CDYL2: variants seen among roughly 807,000 people sequenced by gnomAD.
CDYL2 encodes chromodomain Y like 2.
CDYL2 carries 23 observed loss-of-function variants against 49.4 expected under a neutral mutation model. The observed-to-expected ratio is 0.47, with a 90% CI of 0.34 to 0.66. The LOEUF (loss-of-function observed/expected upper bound fraction) is 0.66. CDYL2 is among the 30% of genes least tolerant of loss of function. CDYL2 has a pLI of 0.01. For missense variants in CDYL2, 678 were observed against 656.4 expected (o/e 1.03, Z -0.36); for synonymous variants, 360 against 268.8 (o/e 1.34, Z -3.32).
At chr16:80,710,621 T>A (rs3100173) in intron 1 of CDYL2, among the ~76,000 whole-genome samples, 34,499 of 152,066 alleles carry the variant, frequency 0.23, 6,837 homozygotes, top group African/African-American at 0.53. Context: ...TGTAAACAGG[T>A]TAACTGTATG....
At chr16:80,698,365 A>C (rs1403321961) in intron 1 of CDYL2, among the ~76,000 whole-genome samples, 1 of 152,226 alleles carries the variant, frequency 6.6e-6, no homozygotes, top group East Asian at 1.9e-4. Context: ...GCATTTGACA[A>C]GGGATTAATA....
Position 80,601,799 on chromosome 16 carries a change from T to C in CDYL2, c.*2589A>G, listed in dbSNP as rs945156254. On this transcript the variant is annotated 3_prime_UTR_variant, in exon 7 of 7. Transcript: ENST00000570137. Reference sequence around the variant, plus strand: ...AAAATACAGACTTTCACCACCCCCGTTACACCCAGGACCTGTGACTTAACA... The same window carrying C: ...AAAATACAGACTTTCACCACCCCCGCTACACCCAGGACCTGTGACTTAACA... 17 of 152,184 alleles carry C rather than the reference T, an allele frequency of 1.1e-4. No individual in the cohort carries two copies. Among genetic ancestry groups the C allele is most frequent in the African/African-American group, 3.9e-4 (16 of 41,452 alleles). The allele number at this position is 152,184 out of a possible 1,614,324, so 9.4% of individuals were successfully genotyped here.
At chr16:80,632,190 A>G (rs1199114744) in intron 3 of CDYL2, among the ~76,000 whole-genome samples, 7 of 152,240 alleles carry the variant, frequency 4.6e-5, no homozygotes, top group Non-Finnish European at 2.9e-5. Context: ...AGAAAAGGTG[A>G]TAGATAAAAT....
intron 1 of CDYL2, among the ~76,000 whole-genome samples, chr16:80,792,282 G>A (rs1907633967): frequency 6.6e-6 from 1 of 152,074 alleles, no homozygotes; most frequent in African/African-American, 2.4e-5. Flanking sequence ...AGAACCCTGG[G>A]ACAAAACCAT....
intron 1 of CDYL2, among the ~76,000 whole-genome samples, chr16:80,785,632 C>CA (rs1395810031): frequency 5.9e-5 from 9 of 152,080 alleles, no homozygotes; most frequent in African/African-American, 1.7e-4. Context: ...CATATAGAAC[C>CA]AAAAAAGAGC....
chr16:80,710,520 A>C (rs1173653234), intron 1 of CDYL2, among the ~76,000 whole-genome samples: 1 of 152,224 alleles, frequency 6.6e-6, no homozygotes, highest in Non-Finnish European at 1.5e-5. Flanking sequence ...GCATGTGTGC[A>C]AAGCCAGCAA....
chr16:80,688,137 T>C (rs1296648188), intron 1 of CDYL2, among the ~76,000 whole-genome samples: 1 of 152,180 alleles, frequency 6.6e-6, no homozygotes, highest in East Asian at 1.9e-4. Flanking sequence ...TTTTGTTCCC[T>C]CCAAATTACT....
intron 2 of CDYL2, among the ~76,000 whole-genome samples, chr16:80,682,676 C>G: frequency 6.6e-6 from 1 of 152,276 alleles, no homozygotes; most frequent in East Asian, 1.9e-4. Context: ...CAGGGAACCC[C>G]GCCAGAGCCT....
chr16:80,672,933 G>A (rs1189874450), intron 2 of CDYL2, among the ~76,000 whole-genome samples: 3 of 152,200 alleles, frequency 2.0e-5, no homozygotes, highest in Non-Finnish European at 4.4e-5. Context: ...ACAAAACACT[G>A]TCATGCAGTA....
intron 1 of CDYL2, among the ~76,000 whole-genome samples, chr16:80,695,663 C>T (rs966847715): frequency 6.6e-6 from 1 of 152,022 alleles, no homozygotes; most frequent in African/African-American, 2.4e-5. Flanking sequence ...TAAAGGAGGT[C>T]ATTATATAAT....
intron 1 of CDYL2, among the ~76,000 whole-genome samples, chr16:80,734,281 G>C (rs1302420890): frequency 6.6e-6 from 1 of 152,184 alleles, no homozygotes; most frequent in Non-Finnish European, 1.5e-5. Flanking sequence ...TTTCAAGTTA[G>C]AACCATGGTA....
chr16:80,700,937 A>C (rs1408928986), intron 1 of CDYL2, among the ~76,000 whole-genome samples: 1 of 151,960 alleles, frequency 6.6e-6, no homozygotes. Flanking sequence ...AACGCCGTGC[A>C]GCTAAGAAAC....
At chr16:80,795,131 T>C (rs747458781) in intron 1 of CDYL2, among the ~76,000 whole-genome samples, 4 of 152,122 alleles carry the variant, frequency 2.6e-5, no homozygotes, top group Non-Finnish European at 4.4e-5. Context: ...GACAAGGTAA[T>C]GAAAATCAAG....
intron 1 of CDYL2, among the ~76,000 whole-genome samples, chr16:80,798,894 C>T (rs375390269): frequency 1.3e-5 from 2 of 151,984 alleles, no homozygotes; most frequent in African/African-American, 2.4e-5. Flanking sequence ...TCTAGATGTC[C>T]GATAACAGGG....
chr16:80,775,330 T>C (rs13330806), intron 1 of CDYL2, among the ~76,000 whole-genome samples: 10,983 of 151,894 alleles, frequency 0.072, 484 homozygotes, highest in African/African-American at 0.12. Context: ...GAAGTAGGTA[T>C]GATACAAAAC....
chr16:80,633,252 A>G lies in CDYL2; in HGVS notation c.617-16T>C. 1 of 1,606,620 alleles carries G rather than the reference A, an allele frequency of 6.2e-7. No individual in the cohort carries two copies. Among genetic ancestry groups the G allele is most frequent in the Non-Finnish European group, 8.5e-7 (1 of 1,173,998 alleles). On this transcript the variant is annotated splice_polypyrimidine_tract_variant and intron_variant, in intron 2 of 6. Transcript: ENST00000570137. ...AGAGCAGAGCCTTCCAAAACCAGATAAACAATGTAAGAAACTGAAATGGAC... is the reference window on the plus strand; with the variant it reads ...AGAGCAGAGCCTTCCAAAACCAGATGAACAATGTAAGAAACTGAAATGGAC...
chr16:80,669,301 G>A (rs1261023376), intron 2 of CDYL2, among the ~76,000 whole-genome samples: 7 of 152,052 alleles, frequency 4.6e-5, no homozygotes, highest in African/African-American at 7.2e-5. Context: ...CAGATACGAC[G>A]ATATATTGAC....
rs1480984082 is a variant in CDYL2 at position 80,748,181 on chromosome 16, C to T, written c.24+55969G>A. Among the ~76,000 whole-genome samples the T allele has an allele frequency of 4.1e-5, 6 of 147,134 alleles. No homozygotes were observed. The East Asian group carries it at 9.8e-4, about 24-fold the overall frequency. On this transcript the variant is annotated intron_variant, in intron 1 of 6. Coordinates refer to ENST00000570137, the MANE Select transcript of CDYL2 (RefSeq NM_152342.4). ...AATAATAATAATATAAAGAAAAGAG[C>T]ATAGGCTTGGGGCCAGAGGTGTAGG...
intron 1 of CDYL2, among the ~76,000 whole-genome samples, chr16:80,772,440 T>C (rs1467132362): frequency 2.0e-5 from 3 of 152,222 alleles, no homozygotes; most frequent in African/African-American, 7.2e-5. Flanking sequence ...TGTCTGGGAA[T>C]AGTGCAAATT....
Sources: gnomAD v4.1 joint callset for allele counts (sites outside exome capture counted in the v4.1 genomes callset) on GRCh38, gnomAD v4.1.1 for gene constraint, MANE v1.5 for transcripts, NCBI Gene and HGNC (gene_info 2026-07-23, HGNC 2026-07-21) for gene names.